The following NUCB2 variants were observed in gnomAD, a reference collection of about 807,000 sequenced individuals.
NUCB2 encodes the protein nucleobindin 2.
NUCB2 carries 48 observed loss-of-function variants against 57.9 expected under a neutral mutation model. That is an observed-to-expected ratio of 0.83 (90% CI 0.66 to 1.05). NUCB2 has a LOEUF of 1.05. NUCB2 is among the 50% of genes least tolerant of loss of function. The probability of loss-of-function intolerance (pLI) is 0.00; values close to 1 mark genes in which losing one functional copy is unlikely to be tolerated. For synonymous variants in NUCB2, 139 were observed against 152.1 expected, an observed-to-expected ratio of 0.91 and a Z score of 0.64; for missense variants, 442 against 476.2, an observed-to-expected ratio of 0.93 and a Z score of 0.67.
At chr11:17,296,016 G>T (rs1945765902) in intron 3 of NUCB2, 88 bp from the exon 4 acceptor site, 1 of 622,540 alleles carries the variant, frequency 1.6e-6, no homozygotes, top group East Asian at 2.9e-5. Context: ...ATGCCATTTT[G>T]CTAGAAATTG....
intron 2 of NUCB2, among the ~76,000 whole-genome samples, chr11:17,293,407 A>G (rs934924692): frequency 6.6e-6 from 1 of 151,746 alleles, no homozygotes; most frequent in Non-Finnish European, 1.5e-5. Context: ...AACACGTGGA[A>G]GATATGGAAA....
Position 17,330,388 on chromosome 11 carries a change from A to AT in NUCB2, c.1173+92dup. ...TTTGTAACATATTTCATTGTACTAT[A>AT]TAGTACACTGCTATAGCTATACTAT... On this transcript the variant is annotated intron_variant, in intron 12 of 13. Coordinates refer to ENST00000529010, the MANE Select transcript of NUCB2 (RefSeq NM_005013.4). The surrounding 1 kb of genome is among the most constrained non-coding windows in gnomAD (Gnocchi z 4.3). The AT allele has an allele frequency of 1.2e-6, 1 of 837,618 alleles. No homozygotes were observed. The highest frequency in any genetic ancestry group is 1.9e-6 in the Non-Finnish European group (1 of 538,320). The allele number at this position is 837,618 out of a possible 1,614,324, so 51.9% of individuals were successfully genotyped here.
chr11:17,336,969 C>T (rs1262014665), downstream of NUCB2, among the ~76,000 whole-genome samples: 2 of 151,334 alleles, frequency 1.3e-5, no homozygotes, highest in Non-Finnish European at 2.9e-5. Context: ...GAGATGGGGT[C>T]TCTCTCTGTC....
intron 2 of NUCB2, among the ~76,000 whole-genome samples, chr11:17,342,986 T>A (rs1359525945): frequency 2.0e-5 from 3 of 152,148 alleles, no homozygotes; most frequent in Non-Finnish European, 2.9e-5. Context: ...GCTTTATGAA[T>A]CTGGGTGCTC....
intron 2 of NUCB2, among the ~76,000 whole-genome samples, chr11:17,293,380 G>A (rs943568985): frequency 1.3e-5 from 2 of 152,080 alleles, no homozygotes; most frequent in Admixed American, 1.3e-4. Flanking sequence ...GAGGAAGAGA[G>A]CAGCAGAAGT....
chr11:17,296,227 TA>T lies in NUCB2; in HGVS notation c.252+18del. On this transcript the variant is annotated intron_variant, in intron 4 of 13. Coordinates refer to ENST00000529010, the MANE Select transcript of NUCB2 (RefSeq NM_005013.4). ...GGAAATAAAGGTAAATGCAATTCAA[TA>T]ATATATACATATATGTATCTTAATT... 6.9e-7 allele frequency: 1 copy of T among 1,451,136 alleles called. No homozygotes were observed. Among genetic ancestry groups the T allele is most frequent in the Non-Finnish European group, 9.6e-7 (1 of 1,040,706 alleles). 89.9% of individuals were successfully genotyped at this position (1,451,136 alleles called of 1,614,324 possible).
intron 11 of NUCB2, among the ~76,000 whole-genome samples, chr11:17,320,056 AG>A: frequency 6.7e-6 from 1 of 148,380 alleles, no homozygotes; most frequent in East Asian, 2.0e-4. Flanking sequence ...ATGCTCCTGC[AG>A]GGGACATGAT....
At chr11:17,340,094 T>G (rs1219428322) in intron 2 of NUCB2, among the ~76,000 whole-genome samples, 1 of 152,264 alleles carries the variant, frequency 6.6e-6, no homozygotes, top group East Asian at 1.9e-4. Context: ...TGCATTTCTC[T>G]GATGGCCAGT....
At chr11:17,336,525 C>T (rs571343304), downstream of NUCB2, among the ~76,000 whole-genome samples, 105 of 151,602 alleles carry the variant, frequency 6.9e-4, no homozygotes, top group Middle Eastern at 3.4e-3. Context: ...GAGGCCGAGG[C>T]GGGCGGATCA....
chr11:17,291,373 C>G (rs982843892), intron 2 of NUCB2: 1 of 176,838 alleles, frequency 5.7e-6, no homozygotes, highest in Non-Finnish European at 1.3e-5. Flanking sequence ...ATGGTAAAAT[C>G]CTGTCTCTAC....
At chr11:17,326,851 C>G (rs995825115) in intron 11 of NUCB2, among the ~76,000 whole-genome samples, 1 of 152,150 alleles carries the variant, frequency 6.6e-6, no homozygotes, top group Non-Finnish European at 1.5e-5. Context: ...CCTTTTATTT[C>G]AGATTGAAGA....
In NUCB2 at chr11:17,316,520, A is replaced by G. The variant is rs60142717; in HGVS notation, c.1002+1045A>G. ...TTACTGTAATGACACTATGATGACT[A>G]TCTGTTTCTTCACACATTTTTGGGC... On this transcript the variant is annotated intron_variant, in intron 11 of 13. Coordinates refer to ENST00000529010, the MANE Select transcript of NUCB2 (RefSeq NM_005013.4). Among the ~76,000 whole-genome samples, 286 of 152,306 alleles carry G rather than the reference A, an allele frequency of 1.9e-3. 7 individuals are homozygous for G. The East Asian group carries it at 0.042, about 22-fold the overall frequency.
At chr11:17,338,497 G>A (rs1046980879) in intron 2 of NUCB2, among the ~76,000 whole-genome samples, 5 of 151,966 alleles carry the variant, frequency 3.3e-5, no homozygotes, top group African/African-American at 1.2e-4. Flanking sequence ...AATAGTTTAA[G>A]TTTTGCTGGG....
intron 5 of NUCB2, among the ~76,000 whole-genome samples, chr11:17,304,712 G>A (rs1048863431): frequency 1.3e-5 from 2 of 152,132 alleles, no homozygotes; most frequent in African/African-American, 4.8e-5. Context: ...TTTTCCATAT[G>A]TACGTAACAG....
chr11:17,329,386 G>A (rs903694382), intron 11 of NUCB2, among the ~76,000 whole-genome samples: 4 of 152,160 alleles, frequency 2.6e-5, no homozygotes, highest in South Asian at 4.1e-4. Flanking sequence ...TCCTTTCCTA[G>A]ACTGCCTTTC....
At chr11:17,321,782 T>A (rs1950054147) in intron 11 of NUCB2, among the ~76,000 whole-genome samples, 1 of 152,204 alleles carries the variant, frequency 6.6e-6, no homozygotes, top group South Asian at 2.1e-4. Flanking sequence ...GTCTTTTGGA[T>A]AAAAGCCATT....
chr11:17,295,426 C>A lies in NUCB2; in HGVS notation c.103C>A (p.Gln35Lys). 6.2e-7 allele frequency: 1 copy of A among 1,612,478 alleles called. No individual in the cohort carries two copies. The highest frequency in any genetic ancestry group is 8.5e-7 in the Non-Finnish European group (1 of 1,179,484). ...TATTGACATAGACAAGACAAAAGTACAAAATATTCACCCTGTGGAAAGTGC... is the reference window on the plus strand; with the variant it reads ...TATTGACATAGACAAGACAAAAGTAAAAAATATTCACCCTGTGGAAAGTGC... Reference protein sequence around the residue: ...VPIDIDKTKVQNIHPVESAKI... With the variant: ...VPIDIDKTKVKNIHPVESAKI... The change falls in exon 3 of 14, where the codon CAA (glutamine) becomes AAA (lysine). Residue 35 changes from glutamine to lysine, a missense_variant. By Grantham distance (53) the Gln-to-Lys change is moderately conservative. Transcript: ENST00000529010.
chr11:17,330,181 A>G lies in NUCB2; in HGVS notation c.1057A>G (p.Ile353Val). The G allele has an allele frequency of 1.9e-6, 3 of 1,591,480 alleles. No individual in the cohort carries two copies. Among genetic ancestry groups the G allele is most frequent in the Non-Finnish European group, 2.6e-6 (3 of 1,161,704 alleles). The change falls in exon 12 of 14, where the codon ATT becomes GTT. Residue 353 changes from isoleucine to valine, a missense_variant. Ile to Val is a conservative substitution (Grantham distance 29, BLOSUM62 3). Transcript: ENST00000529010. This position sits in a 1 kb window ranked among gnomAD's most constrained non-coding sequence, Gnocchi z 4.3. ...TEEELKEYEN[I>V]IALQENELKK... Reference sequence around the variant, plus strand: ...GGAAGAACTAAAAGAATATGAAAATATTATTGCTTTACAAGAAAATGAACT... The same window carrying G: ...GGAAGAACTAAAAGAATATGAAAATGTTATTGCTTTACAAGAAAATGAACT...
At chr11:17,300,967 C>CTTTTTTTTTTTTT (rs71047541) in intron 4 of NUCB2, among the ~76,000 whole-genome samples, 1 of 84,392 alleles carries the variant, frequency 1.2e-5, no homozygotes, top group Non-Finnish European at 2.3e-5. Context: ...TAAAGCTAAT[C>CTTTTTTTTTTTTT]TTTTTTTTTT....
Sources: gnomAD v4.1 joint callset for allele counts (sites outside exome capture counted in the v4.1 genomes callset) on GRCh38, gnomAD v4.1.1 for gene constraint, Gnocchi (gnomAD v3.1) non-coding constraint, MANE v1.5 for transcripts, NCBI Gene and HGNC (gene_info 2026-07-23, HGNC 2026-07-21) for gene names.